Variants in USP54 observed in about 807,000 individuals in gnomAD.
USP54 encodes the protein ubiquitin specific peptidase 54, also known as ubiquitin carboxyl-terminal hydrolase 54.
A neutral mutation model predicts 170.5 loss-of-function variants in USP54; 87 were observed. The observed-to-expected ratio is 0.51, with a 90% CI of 0.43 to 0.61. The LOEUF (loss-of-function observed/expected upper bound fraction) is 0.61, where lower values mean the gene tolerates loss of function less well. Among genes scored for constraint, USP54 ranks in the 20% least tolerant of loss-of-function variants. The pLI, the probability that USP54 is intolerant of heterozygous loss-of-function variation, is 0.00. For synonymous variants in USP54, 655 were observed against 742.8 expected (o/e 0.88, Z 1.92); for missense variants, 1,786 against 2,047.8 (o/e 0.87, Z 2.47).
At chr10:73,546,733 T>A (rs2067929209) in intron 4 of USP54, 1 of 152,220 alleles carries the variant, frequency 6.6e-6, no homozygotes, top group Admixed American at 6.5e-5. Flanking sequence ...CATGATGATA[T>A]AGATATAGAC....
chr10:73,545,835 A>G (rs1008129238), intron 4 of USP54, among the ~76,000 whole-genome samples, 163 bp from the exon 5 acceptor site: 2 of 152,186 alleles, frequency 1.3e-5, no homozygotes, highest in African/African-American at 4.8e-5. Flanking sequence ...TAAAATCAAG[A>G]GTCAGAATGA....
At chr10:73,531,643 T>C (rs1001985513) in intron 12 of USP54, among the ~76,000 whole-genome samples, 20 of 152,202 alleles carry the variant, frequency 1.3e-4, no homozygotes, top group Admixed American at 1.2e-3. Context: ...GTTCCAAGCT[T>C]TCCTTAATTG....
At chr10:73,538,204 CAAAA>C (rs78033068) in intron 10 of USP54, 2 of 138,174 alleles carry the variant, frequency 1.4e-5, no homozygotes, top group Non-Finnish European at 1.6e-5. Context: ...GACCCTATGT[CAAAA>C]AAAAAAAAAA....
At chr10:73,560,026 C>T (rs139928481) in intron 4 of USP54, among the ~76,000 whole-genome samples, 1 of 151,262 alleles carries the variant, frequency 6.6e-6, no homozygotes, top group East Asian at 2.0e-4. Context: ...GCCTGGGTGA[C>T]AAAGCGACCC....
At chr10:73,566,394 A>T (rs1452824521) in intron 4 of USP54, among the ~76,000 whole-genome samples, 1 of 152,170 alleles carries the variant, frequency 6.6e-6, no homozygotes, top group Non-Finnish European at 1.5e-5. Flanking sequence ...AGATAATTTT[A>T]AAATTAGATT....
At chr10:73,555,723 C>T (rs1335211577) in intron 4 of USP54, among the ~76,000 whole-genome samples, 3 of 152,170 alleles carry the variant, frequency 2.0e-5, no homozygotes, top group Non-Finnish European at 2.9e-5. Context: ...TTTGAGAATA[C>T]ATAACCACTT....
intron 3 of USP54, among the ~76,000 whole-genome samples, chr10:73,572,681 C>T (rs1378583190): frequency 6.6e-6 from 1 of 152,120 alleles, no homozygotes; most frequent in Non-Finnish European, 1.5e-5. Context: ...CTCATAACAA[C>T]AATTATTTTC....
chr10:73,603,127 A>G (rs1386362878), intron 1 of USP54, among the ~76,000 whole-genome samples: 3 of 152,136 alleles, frequency 2.0e-5, no homozygotes, highest in Non-Finnish European at 4.4e-5. Context: ...AGGCTGTCTA[A>G]GGAGTATAAA....
intron 22 of USP54, 63 bp from the exon 23 acceptor site, chr10:73,500,901 G>A: frequency 6.6e-7 from 1 of 1,522,242 alleles, no homozygotes; most frequent in Non-Finnish European, 8.8e-7. Flanking sequence ...GGATGTAGTT[G>A]GGTAAACACA....
At chr10:73,624,198 A>ATATTTTTT (rs1554955712) in intron 1 of USP54, among the ~76,000 whole-genome samples, 1 of 102,494 alleles carries the variant, frequency 9.8e-6, no homozygotes, top group Non-Finnish European at 1.9e-5. Context: ...ATATATATGT[A>ATATTTTTT]TTTTTTTTTT....
chr10:73,562,854 C>G (rs2073383773), intron 4 of USP54, among the ~76,000 whole-genome samples: 1 of 152,174 alleles, frequency 6.6e-6, no homozygotes, highest in African/African-American at 2.4e-5. Context: ...TTCAATTCTA[C>G]TAAGTAATGA....
chr10:73,518,718 ATTTTT>A (rs772422371), intron 19 of USP54: 2 of 130,964 alleles, frequency 1.5e-5, no homozygotes, highest in East Asian at 2.2e-4. Flanking sequence ...TAGACCTGCA[ATTTTT>A]TTTTTTTTTT....
intron 16 of USP54, among the ~76,000 whole-genome samples, chr10:73,523,971 A>T (rs1411473251): frequency 6.7e-6 from 1 of 149,906 alleles, no homozygotes; most frequent in Non-Finnish European, 1.5e-5. Flanking sequence ...GCAATGGCGC[A>T]ATCTTGGCTC....
intron 1 of USP54, among the ~76,000 whole-genome samples, chr10:73,582,833 A>T (rs1040673008): frequency 6.6e-6 from 1 of 152,226 alleles, no homozygotes; most frequent in Admixed American, 6.5e-5. Flanking sequence ...AAGTATCTCC[A>T]CTAAGGCATT....
At chr10:73,539,361 T>A in intron 10 of USP54, 83 bp downstream of exon 10, 3 of 1,234,140 alleles carry the variant, frequency 2.4e-6, no homozygotes, top group Non-Finnish European at 3.2e-6. Flanking sequence ...TTCAAAATTA[T>A]GAAAATGAAA....
At chr10:73,544,520 T>G (rs1308151538) in intron 5 of USP54, among the ~76,000 whole-genome samples, 2 of 152,188 alleles carry the variant, frequency 1.3e-5, no homozygotes, top group South Asian at 4.1e-4. Flanking sequence ...TGTCCAGGAA[T>G]GTAATTGCTA....
Position 73,560,302 on chromosome 10 carries a change from C to T in USP54, c.240+11119G>A, listed in dbSNP as rs145843258. Among the ~76,000 whole-genome samples, 367 of 152,190 alleles carry T rather than the reference C, an allele frequency of 2.4e-3. 3 individuals are homozygous for T. The highest frequency in any genetic ancestry group is 0.01 in the Middle Eastern group (3 of 294). On this transcript the variant is annotated intron_variant, in intron 4 of 23. Coordinates refer to ENST00000687698, the MANE Select transcript of USP54 (RefSeq NM_001391956.1). Reference sequence around the variant, plus strand: ...GTCTTTTCCATCATCACTCTAGCCTCACCCACAATACACACATATTTCACC... The same window carrying T: ...GTCTTTTCCATCATCACTCTAGCCTTACCCACAATACACACATATTTCACC...
chr10:73,542,437 C>T (rs1465985088), intron 7 of USP54, among the ~76,000 whole-genome samples: 1 of 151,786 alleles, frequency 6.6e-6, no homozygotes. Context: ...AATTAAAGTC[C>T]AATAGGCCAG....
In USP54 at chr10:73,500,837, T is replaced by C; in HGVS notation, c.4313A>G (p.Asp1438Gly). ...CAAAGGCTTCCTCACGTTTGATGAA[T>C]CCTTATAATGAGACAAGACAAAAAA... ...EEAPVSSHSF[D>G]SSNVRKPLET... The change falls in exon 23 of 24, where the codon GAT becomes GGT. Residue 1438 changes from aspartate (D) to glycine (G), a missense_variant and splice_region_variant. Asp to Gly is a moderately conservative substitution (Grantham distance 94). Around this residue, in one of 3 missense-constraint regions of USP54, gnomAD observed 1,418 missense variants for 1,569.0 expected, o/e 0.90. Transcript: ENST00000687698. The C allele has an allele frequency of 6.3e-7, 1 of 1,599,456 alleles. No homozygotes were observed. The highest frequency in any genetic ancestry group is 8.5e-7 in the Non-Finnish European group (1 of 1,175,152).
Sources: gnomAD v4.1 joint callset for allele counts (sites outside exome capture counted in the v4.1 genomes callset) on GRCh38, gnomAD v4.1.1 for gene constraint, gnomAD v4.1.1 regional missense constraint, MANE v1.5 for transcripts, NCBI Gene and HGNC (gene_info 2026-07-23, HGNC 2026-07-21) for gene names.